Variants in RB1 observed in about 807,000 individuals in gnomAD.
The protein encoded by RB1 is retinoblastoma-associated protein.
RB1 carries 18 observed loss-of-function variants against 135.4 expected under a neutral mutation model. That is an observed-to-expected ratio of 0.13 (90% CI 0.09 to 0.20). The LOEUF (loss-of-function observed/expected upper bound fraction) is 0.20, where lower values mean the gene tolerates loss of function less well. Among genes scored for constraint, RB1 ranks in the 10% least tolerant of loss-of-function variants. The pLI, the probability that RB1 is intolerant of heterozygous loss-of-function variation, is 1.00. For missense variants in RB1, 868 were observed against 1,110.0 expected (o/e 0.78, Z 3.10); for synonymous variants, 365 against 373.2 (o/e 0.98, Z 0.25).
intron 17 of RB1, among the ~76,000 whole-genome samples, chr13:48,449,326 C>T (rs544320085): frequency 7.2e-5 from 11 of 152,214 alleles, no homozygotes; most frequent in African/African-American, 2.4e-4. Context: ...TTTGGTAGAG[C>T]AATTTCTTAA....
chr13:48,319,251 C>T lies in RB1; in HGVS notation c.264+11845C>T. 1.2e-6 allele frequency: 1 copy of T among 815,132 alleles called. No homozygotes were observed. Among genetic ancestry groups the T allele is most frequent in the Non-Finnish European group, 1.8e-6 (1 of 541,646 alleles). The allele number at this position is 815,132 out of a possible 1,614,324, so 50.5% of individuals were successfully genotyped here. On this transcript the variant is annotated intron_variant, in intron 2 of 26. Transcript: ENST00000267163. This position sits in a 1 kb window ranked among gnomAD's most constrained non-coding sequence, Gnocchi z 5.0. ...TTTCCTGTGGGTCTCGCGCAAGGCACTTTTTTGTGGCGCTGCTTGTGCTGT... is the reference window on the plus strand; with the variant it reads ...TTTCCTGTGGGTCTCGCGCAAGGCATTTTTTTGTGGCGCTGCTTGTGCTGT...
At chr13:48,377,086 G>A (rs916124651) in intron 13 of RB1, 52 bp downstream of exon 13, 2 of 1,545,830 alleles carry the variant, frequency 1.3e-6, no homozygotes, top group African/African-American at 2.7e-5. Context: ...AATATTAAAA[G>A]CAGCATCTTT....
chr13:48,331,688 C>A lies in RB1; in HGVS notation c.265-10911C>A, dbSNP rs1204545963. 2.0e-5 allele frequency among the ~76,000 whole-genome samples: 3 copies of A among 152,154 alleles called. No homozygotes were observed. In the East Asian group the frequency reaches 5.8e-4, roughly 29 times the overall value. On this transcript the variant is annotated intron_variant, in intron 2 of 26. Coordinates refer to ENST00000267163, the MANE Select transcript of RB1 (RefSeq NM_000321.3). ...TCTTTTATGGAAAACAGTATGGAAG[C>A]TCCTCAAAAAATTAAAACTAAAACT...
At chr13:48,395,449 T>G (rs1348221653) in intron 17 of RB1, among the ~76,000 whole-genome samples, 2 of 152,108 alleles carry the variant, frequency 1.3e-5, no homozygotes, top group African/African-American at 4.8e-5. Context: ...AGGACCATGT[T>G]CTAACCCAAT....
chr13:48,358,706 A>T (rs1435412198), intron 6 of RB1, among the ~76,000 whole-genome samples: 1 of 152,100 alleles, frequency 6.6e-6, no homozygotes, highest in African/African-American at 2.4e-5. Flanking sequence ...CTCTTCTCTT[A>T]TCAGCAGTTT....
chr13:48,339,525 C>T (rs991274982), intron 2 of RB1, among the ~76,000 whole-genome samples: 3 of 152,186 alleles, frequency 2.0e-5, no homozygotes, highest in Non-Finnish European at 2.9e-5. Context: ...ATTGGAAAAG[C>T]GCAGTATTAG....
At chr13:48,336,985 T>A (rs1206812482) in intron 2 of RB1, among the ~76,000 whole-genome samples, 3 of 152,204 alleles carry the variant, frequency 2.0e-5, no homozygotes, top group Admixed American at 2.0e-4. Flanking sequence ...CATGTAGTTA[T>A]GCGGTTTTGA....
At chr13:48,457,274 T>A (rs750703599) in intron 19 of RB1, among the ~76,000 whole-genome samples, 1 of 152,112 alleles carries the variant, frequency 6.6e-6, no homozygotes, top group African/African-American at 2.4e-5. Flanking sequence ...TCCCAACAAG[T>A]GTTCAGTTCT....
intron 6 of RB1, 75 bp from the exon 7 acceptor site, chr13:48,359,942 C>A: frequency 6.4e-7 from 1 of 1,571,356 alleles, no homozygotes; most frequent in Non-Finnish European, 8.6e-7. Flanking sequence ...TATGGATATA[C>A]TCTACCCTGC....
At position 48,464,978 on chromosome 13, in the gene RB1, T is replaced by TTTTAA; in HGVS notation, c.2212-17_2212-16insAATTT. 1 of 1,452,594 alleles carries TTTTAA rather than the reference T, an allele frequency of 6.9e-7. No homozygotes were observed. The highest frequency in any genetic ancestry group is 9.2e-7 in the Non-Finnish European group (1 of 1,090,732). 90.0% of individuals were successfully genotyped at this position (1,452,594 alleles called of 1,614,324 possible). ...TTTTACTTTTTTTTTTTTTTTTTTT[T>TTTTAA]TTTTACTGTTCTTCCTCAGACATTC... On this transcript the variant is annotated intron_variant, in intron 21 of 26. Transcript: ENST00000267163.
chr13:48,338,769 T>C (rs1952411613), intron 2 of RB1, among the ~76,000 whole-genome samples: 1 of 152,238 alleles, frequency 6.6e-6, no homozygotes, highest in African/African-American at 2.4e-5. Context: ...TTTTTAGAAT[T>C]TTCAGCTTTT....
intron 10 of RB1, 123 bp from the exon 11 acceptor site, chr13:48,368,404 A>G (rs1418626808): frequency 1.6e-6 from 2 of 1,274,148 alleles, no homozygotes; most frequent in Non-Finnish European, 2.2e-6. Flanking sequence ...TATCCTATCT[A>G]TTATTGAGTT....
chr13:48,443,628 T>G (rs1949259431), intron 17 of RB1, among the ~76,000 whole-genome samples: 1 of 152,202 alleles, frequency 6.6e-6, no homozygotes, highest in African/African-American at 2.4e-5. Flanking sequence ...AGACACATCA[T>G]TCTATTTTGC....
At chr13:48,409,029 CAAAT>C (rs146729593) in intron 17 of RB1, among the ~76,000 whole-genome samples, 1,890 of 151,806 alleles carry the variant, frequency 0.012, 43 homozygotes, top group African/African-American at 0.039. Flanking sequence ...AGTGTAATAT[CAAAT>C]AAAGGAATTT....
chr13:48,384,802 T>G (rs1468000613), intron 17 of RB1, among the ~76,000 whole-genome samples: 3 of 152,116 alleles, frequency 2.0e-5, no homozygotes, highest in African/African-American at 7.2e-5. Context: ...AATAAATCCA[T>G]AAGGAAAAAG....
chr13:48,451,550 T>G (rs1949327048), intron 17 of RB1, among the ~76,000 whole-genome samples: 2 of 152,218 alleles, frequency 1.3e-5, no homozygotes, highest in Non-Finnish European at 2.9e-5. Context: ...TTTGCATTGC[T>G]GTTCATCAGA....
rs1952049136 is a variant in RB1 at position 48,303,758 on chromosome 13, G to C, written c.-155G>C. 8.3e-7 allele frequency: 1 copy of C among 1,205,354 alleles called. No homozygotes were observed. Among genetic ancestry groups the C allele is most frequent in the Non-Finnish European group, 1.1e-6 (1 of 901,528 alleles). 74.7% of individuals were successfully genotyped at this position (1,205,354 alleles called of 1,614,324 possible). On this transcript the variant is annotated 5_prime_UTR_variant, in exon 1 of 27. Transcript: ENST00000267163. The stretch of plus-strand genomic sequence containing the variant: ...CGGTTGGACGCGGCGCTCAGTTGCC[G>C]GGCGGGGGAGGGCGCGTCCGGTTTT...
chr13:48,375,327 A>G (rs1266806075), intron 12 of RB1, among the ~76,000 whole-genome samples: 5 of 152,086 alleles, frequency 3.3e-5, no homozygotes, highest in African/African-American at 1.2e-4. Context: ...TTACTTCCTT[A>G]TTAGTTCAAA....
intron 17 of RB1, among the ~76,000 whole-genome samples, chr13:48,440,494 G>A (rs1949226545): frequency 6.6e-6 from 1 of 152,126 alleles, no homozygotes; most frequent in Non-Finnish European, 1.5e-5. Flanking sequence ...TACATGCATA[G>A]CCTGATGGGC....
Sources: gnomAD v4.1 joint callset for allele counts (sites outside exome capture counted in the v4.1 genomes callset) on GRCh38, gnomAD v4.1.1 for gene constraint, Gnocchi (gnomAD v3.1) non-coding constraint, MANE v1.5 for transcripts, NCBI Gene and HGNC (gene_info 2026-07-23, HGNC 2026-07-21) for gene names.